Variants in SAMMSON observed in about 807,000 individuals in gnomAD.
SAMMSON encodes the protein survival associated mitochondrial melanoma specific oncogenic non-coding RNA, also known as long intergenic non-protein coding RNA 1212.
rs767999752 is a variant in SAMMSON at position 70,085,027 on chromosome 3, C to T, written n.507+13462C>T. On this transcript the variant is annotated intron_variant and non_coding_transcript_variant, in intron 4 of 9. Coordinates refer to ENST00000642114, the Ensembl canonical transcript of SAMMSON. Reference sequence around the variant, plus strand: ...ATGTAGGTGAGTTCTGGGGAGGAATCAGTGATGGCAGAGGGGAGAGGGTTA... The same window carrying T: ...ATGTAGGTGAGTTCTGGGGAGGAATTAGTGATGGCAGAGGGGAGAGGGTTA... Among the ~76,000 whole-genome samples the T allele has an allele frequency of 3.7e-4, 56 of 152,076 alleles. 1 individual carries two copies. Among genetic ancestry groups the T allele is most frequent in the Admixed American group, 2.6e-4 (4 of 15,254 alleles).
chr3:70,328,312 C>T (rs1575626748), intron 7 of SAMMSON, among the ~76,000 whole-genome samples: 1 of 152,224 alleles, frequency 6.6e-6, no homozygotes, highest in East Asian at 1.9e-4. Context: ...AAGCTAACCA[C>T]ACAATCTGTA....
intron 3 of SAMMSON, among the ~76,000 whole-genome samples, chr3:70,019,811 A>C (rs1425505273): frequency 1.3e-5 from 2 of 152,138 alleles, no homozygotes; most frequent in African/African-American, 4.8e-5. Flanking sequence ...CTTAGGAATT[A>C]ATATTCCATA....
chr3:70,091,195 A>G (rs1321016413), intron 4 of SAMMSON, among the ~76,000 whole-genome samples: 2 of 152,224 alleles, frequency 1.3e-5, no homozygotes, highest in African/African-American at 4.8e-5. Context: ...TTAGGCTGCA[A>G]CATGGCACAG....
intron 3 of SAMMSON, among the ~76,000 whole-genome samples, chr3:70,046,726 C>T (rs1239369674): frequency 6.6e-6 from 1 of 152,192 alleles, no homozygotes; most frequent in Admixed American, 6.5e-5. Context: ...GCTCACTGAG[C>T]AAAATCATGG....
intron 4 of SAMMSON, among the ~76,000 whole-genome samples, chr3:70,121,508 G>A (rs182850058): frequency 6.6e-6 from 1 of 152,068 alleles, no homozygotes; most frequent in South Asian, 2.1e-4. Context: ...TTTTACATTT[G>A]ATCTTTTAAC....
intron 9 of SAMMSON, among the ~76,000 whole-genome samples, chr3:70,378,588 T>C (rs1326345679): frequency 6.6e-6 from 1 of 152,144 alleles, no homozygotes; most frequent in East Asian, 1.9e-4. Context: ...AACTATAGAA[T>C]TCTATTTTAT....
At chr3:70,380,498 T>C (rs959385871) in intron 9 of SAMMSON, among the ~76,000 whole-genome samples, 12 of 152,176 alleles carry the variant, frequency 7.9e-5, no homozygotes, top group Admixed American at 6.5e-5. Flanking sequence ...GTGCTAAGTG[T>C]TCAGAATGTG....
intron 4 of SAMMSON, chr3:70,125,103 G>T: frequency 8.9e-7 from 1 of 1,125,774 alleles, no homozygotes; most frequent in Non-Finnish European, 1.3e-6. Flanking sequence ...TCTGGTTTTT[G>T]TCTAGCAGAT....
chr3:70,390,975 G>T (rs560405949), downstream of SAMMSON, among the ~76,000 whole-genome samples: 102 of 152,188 alleles, frequency 6.7e-4, 1 homozygote, highest in African/African-American at 2.3e-3. Context: ...ACAAATTCAT[G>T]TTAAGTTGAC....
At chr3:70,344,768 G>C (rs771737192) in intron 7 of SAMMSON, among the ~76,000 whole-genome samples, 1 of 152,132 alleles carries the variant, frequency 6.6e-6, no homozygotes, top group Non-Finnish European at 1.5e-5. Flanking sequence ...CGGCTGAACA[G>C]AGGAGCCACA....
At position 70,402,371 on chromosome 3, in the gene SAMMSON, G is replaced by T. The variant is rs534909019; in HGVS notation, n.233+44047G>T. On this transcript the variant is annotated intron_variant and non_coding_transcript_variant, in intron 2 of 3. Transcript: ENST00000641053. ...ATTGACATATGAATGCCTACAATATGCATGCACAGTTTTAGGGGCCTTATA... is the reference window on the plus strand; with the variant it reads ...ATTGACATATGAATGCCTACAATATTCATGCACAGTTTTAGGGGCCTTATA... Among the ~76,000 whole-genome samples the T allele has an allele frequency of 2.6e-5, 4 of 152,238 alleles. No individual in the cohort carries two copies. The East Asian group carries it at 7.7e-4, about 29-fold the overall frequency.
chr3:70,024,666 G>A (rs569096409), intron 3 of SAMMSON, among the ~76,000 whole-genome samples: 1 of 152,328 alleles, frequency 6.6e-6, no homozygotes, highest in South Asian at 2.1e-4. Flanking sequence ...GCAAAGGAAA[G>A]CATTCGGATT....
At chr3:70,020,833 G>A (rs542241016) in intron 3 of SAMMSON, among the ~76,000 whole-genome samples, 69 of 152,218 alleles carry the variant, frequency 4.5e-4, no homozygotes, top group African/African-American at 1.5e-3. Context: ...CCCAACAACT[G>A]TAGGAAACAT....
intron 7 of SAMMSON, among the ~76,000 whole-genome samples, chr3:70,297,887 T>C (rs1216189390): frequency 6.6e-6 from 1 of 152,138 alleles, no homozygotes; most frequent in Non-Finnish European, 1.5e-5. Flanking sequence ...TGATGCATAA[T>C]GGCTATCTGA....
At chr3:70,182,670 C>T (rs1701063270) in intron 4 of SAMMSON, among the ~76,000 whole-genome samples, 1 of 152,138 alleles carries the variant, frequency 6.6e-6, no homozygotes, top group Non-Finnish European at 1.5e-5. Flanking sequence ...CCCAATTTGG[C>T]TCAATTTGAC....
At chr3:70,356,274 A>G (rs940484717) in intron 8 of SAMMSON, among the ~76,000 whole-genome samples, 1 of 152,164 alleles carries the variant, frequency 6.6e-6, no homozygotes, top group Non-Finnish European at 1.5e-5. Flanking sequence ...ACGAAATAAT[A>G]TAAAAGTTAC....
chr3:70,214,258 C>A (rs1342739106), intron 4 of SAMMSON, among the ~76,000 whole-genome samples: 1 of 151,966 alleles, frequency 6.6e-6, no homozygotes, highest in Non-Finnish European at 1.5e-5. Flanking sequence ...TGGAAGACGT[C>A]CTTTAAAGAC....
At chr3:70,238,794 C>T (rs1701637565) in intron 4 of SAMMSON, among the ~76,000 whole-genome samples, 2 of 151,982 alleles carry the variant, frequency 1.3e-5, no homozygotes, top group African/African-American at 2.4e-5. Context: ...TACAAATTCC[C>T]TCTTTATCTA....
At chr3:70,418,535 C>A (rs1701283392) in intron 2 of SAMMSON, among the ~76,000 whole-genome samples, 2 of 152,210 alleles carry the variant, frequency 1.3e-5, no homozygotes, top group Non-Finnish European at 2.9e-5. Context: ...GCGGCATCTG[C>A]ACATCCCAAT....
Sources: allele counts gnomAD v4.1 joint callset (sites outside exome capture counted in the v4.1 genomes callset), GRCh38; gene constraint gnomAD v4.1.1; transcripts MANE v1.5; gene names NCBI Gene and HGNC (gene_info 2026-07-23, HGNC 2026-07-21).